Variants in RELN observed in about 807,000 individuals in gnomAD.
RELN encodes reelin.
In RELN, 108 loss-of-function variants were observed where a neutral mutation model predicts 427.6. The ratio of observed to expected loss-of-function variants is 0.25; its 90% CI spans 0.22 to 0.30. The LOEUF (loss-of-function observed/expected upper bound fraction) is 0.30. Among genes scored for constraint, RELN ranks in the 10% least tolerant of loss-of-function variants. RELN has a pLI of 1.00. For missense variants in RELN, 3,715 were observed against 4,302.8 expected, an observed-to-expected ratio of 0.86 and a Z score of 3.82; for synonymous variants, 1,524 against 1,513.4, an observed-to-expected ratio of 1.01 and a Z score of -0.16.
intron 29 of RELN, 144 bp downstream of exon 29, chr7:103,575,404 T>C (rs1830975581): frequency 2.2e-6 from 2 of 892,610 alleles, no homozygotes; most frequent in East Asian, 2.5e-5. Flanking sequence ...GCACCTCATG[T>C]GCCTGGGTTG....
At position 103,519,324 on chromosome 7, in the gene RELN, C is replaced by G; in HGVS notation, c.7861G>C (p.Gly2621Arg). 3 of 1,611,584 alleles carry G rather than the reference C, an allele frequency of 1.9e-6. No individual in the cohort carries two copies. The highest frequency in any genetic ancestry group is 1.7e-4 in the Middle Eastern group (1 of 6,052). ...TTAGATATCAAATCGAATACAAACC[C>G]GGGCTTACTGTACTGGTCATAGAAA... ...EIFYDQYSKP[G>R]FVNILLPPDA... The change falls in exon 49 of 65, where the codon GGA becomes CGA. Residue 2621 changes from glycine (G) to arginine (R), a missense_variant and splice_region_variant. This residue lies in a region of RELN where 1,310 missense variants were observed against 1,643.0 expected (regional missense o/e 0.80). Coordinates refer to ENST00000428762, the MANE Select transcript of RELN (RefSeq NM_005045.4).
chr7:103,638,961 A>AT (rs897263752), intron 17 of RELN, among the ~76,000 whole-genome samples: 3 of 152,222 alleles, frequency 2.0e-5, no homozygotes, highest in African/African-American at 7.2e-5. Context: ...GCCACTTTCT[A>AT]TTTTTTGAAA....
chr7:103,989,054 A>G lies in RELN; in HGVS notation c.226+77T>C, dbSNP rs921958370. On this transcript the variant is annotated intron_variant, in intron 1 of 64. Transcript: ENST00000428762. The surrounding 1 kb of genome is among the most constrained non-coding windows in gnomAD (Gnocchi z 4.9). ...GGTTCTTGTTTCCAAGGCCCCTTGG[A>G]AGAAGGAAAGGGATGAGAAAGGTGC... 3.8e-6 allele frequency: 5 copies of G among 1,325,044 alleles called. No individual in the cohort carries two copies. In the South Asian group the frequency reaches 5.9e-5, roughly 16 times the overall value. 82.1% of individuals were successfully genotyped at this position (1,325,044 alleles called of 1,614,324 possible). A position where few individuals can be genotyped will look rare whatever the true frequency, so the allele number is the denominator to read the frequency against.
chr7:103,841,501 T>G (rs1563044835), intron 2 of RELN, among the ~76,000 whole-genome samples: 1 of 152,176 alleles, frequency 6.6e-6, no homozygotes, highest in Non-Finnish European at 1.5e-5. Context: ...AGTTTAAAGT[T>G]GCCCCCACAC....
At position 103,620,222 on chromosome 7, in the gene RELN, G is replaced by A. The variant is rs1360805931; in HGVS notation, c.2703-8419C>T. Among the ~76,000 whole-genome samples the A allele has an allele frequency of 5.9e-5, 9 of 152,072 alleles. No homozygotes were observed. Among genetic ancestry groups the A allele is most frequent in the South Asian group, 4.1e-4 (2 of 4,826 alleles). ...TGTCTCATCTGCTGCCATGTAAGAC[G>A]TGCCTTTTGCCTTCTGCCATGATTG... On this transcript the variant is annotated intron_variant, in intron 20 of 64. Coordinates refer to ENST00000428762, the MANE Select transcript of RELN (RefSeq NM_005045.4). This position sits in a 1 kb window ranked among gnomAD's most constrained non-coding sequence, Gnocchi z 4.1.
Position 103,563,292 on chromosome 7 carries a change from C to A in RELN, c.5211-1339G>T, listed in dbSNP as rs545732276. Among the ~76,000 whole-genome samples the A allele has an allele frequency of 6.6e-6, 1 of 152,062 alleles. No individual in the cohort carries two copies. The highest frequency in any genetic ancestry group is 2.4e-5 in the African/African-American group (1 of 41,394). ...ATGGTCTCATAAGATTATAATGGAT[C>A]TGAAAAAAAATTCCTATTGCTAATT... On this transcript the variant is annotated intron_variant, in intron 34 of 64. Coordinates refer to ENST00000428762, the MANE Select transcript of RELN (RefSeq NM_005045.4). This position sits in a 1 kb window ranked among gnomAD's most constrained non-coding sequence, Gnocchi z 4.1.
intron 3 of RELN, among the ~76,000 whole-genome samples, chr7:103,789,378 G>A (rs542537273): frequency 6.6e-6 from 1 of 152,124 alleles, no homozygotes; most frequent in Non-Finnish European, 1.5e-5. Flanking sequence ...TAGAGCAAAA[G>A]AAACTATCAT....
In RELN at chr7:103,929,057, G is replaced by C. The variant is rs1795805066; in HGVS notation, c.227-11872C>G. Among the ~76,000 whole-genome samples, 6 of 152,300 alleles carry C rather than the reference G, an allele frequency of 3.9e-5. No individual in the cohort carries two copies. The South Asian group carries it at 1.2e-3, about 32-fold the overall frequency. ...GCATATCTTGTTGTGGGAAATCCTT[G>C]CTGGATGCCAGGGTGCAACCTGCTC... On this transcript the variant is annotated intron_variant, in intron 1 of 64. Coordinates refer to ENST00000428762, the MANE Select transcript of RELN (RefSeq NM_005045.4).
At chr7:103,639,930 T>A (rs544043938) in intron 17 of RELN, among the ~76,000 whole-genome samples, 1 of 152,188 alleles carries the variant, frequency 6.6e-6, no homozygotes, top group Admixed American at 6.5e-5. Context: ...TGAATATCCA[T>A]TTTTTGGTAT....
chr7:103,572,874 T>G (rs146739575), intron 30 of RELN, among the ~76,000 whole-genome samples: 2 of 152,296 alleles, frequency 1.3e-5, no homozygotes, highest in East Asian at 3.9e-4. Context: ...ATACTTTAGT[T>G]TCTGGGATAC....
chr7:103,648,181 C>T (rs984709530), intron 16 of RELN, among the ~76,000 whole-genome samples: 1 of 151,984 alleles, frequency 6.6e-6, no homozygotes, highest in Non-Finnish European at 1.5e-5. Flanking sequence ...GGAGGAGGGG[C>T]CTGGTGGGAG....
chr7:103,964,684 T>C (rs544860121), intron 1 of RELN, among the ~76,000 whole-genome samples: 1 of 152,376 alleles, frequency 6.6e-6, no homozygotes, highest in East Asian at 1.9e-4. Context: ...GTTACTGACA[T>C]GAAGCACTTA....
chr7:103,790,678 A>C (rs1051595552), intron 3 of RELN, among the ~76,000 whole-genome samples: 3 of 152,000 alleles, frequency 2.0e-5, no homozygotes, highest in Non-Finnish European at 4.4e-5. Flanking sequence ...TTAAAGAAGA[A>C]AATAGGCAGG....
At chr7:103,638,607 G>T (rs1055131145) in intron 17 of RELN, among the ~76,000 whole-genome samples, 2 of 152,182 alleles carry the variant, frequency 1.3e-5, no homozygotes, top group Non-Finnish European at 2.9e-5. Context: ...GCTGGAAAAG[G>T]AGGTAGTAGT....
chr7:103,494,541 ATTTTTTT>A (rs35989965), intron 57 of RELN, among the ~76,000 whole-genome samples: 4 of 126,170 alleles, frequency 3.2e-5, no homozygotes, highest in East Asian at 2.2e-4. Flanking sequence ...CGCCCAGCTA[ATTTTTTT>A]TTTTTTTTTT....
intron 6 of RELN, among the ~76,000 whole-genome samples, chr7:103,746,732 T>G (rs1301380589): frequency 6.6e-6 from 1 of 151,312 alleles, no homozygotes; most frequent in African/African-American, 2.5e-5. Flanking sequence ...TCACACCAGT[T>G]AGAATGGCGA....
chr7:103,629,877 A>G, intron 20 of RELN, 63 bp downstream of exon 20: 1 of 1,023,046 alleles, frequency 9.8e-7, no homozygotes, highest in South Asian at 1.3e-5. Flanking sequence ...ATAGACTGGA[A>G]GATCATCCTC....
At chr7:103,778,636 G>A (rs796562283) in intron 3 of RELN, among the ~76,000 whole-genome samples, 2 of 152,212 alleles carry the variant, frequency 1.3e-5, no homozygotes, top group African/African-American at 4.8e-5. Context: ...CATCTTGTGA[G>A]GAGTCCACAC....
intron 53 of RELN, among the ~76,000 whole-genome samples, chr7:103,500,453 T>C (rs1192257811): frequency 6.6e-6 from 1 of 152,082 alleles, no homozygotes; most frequent in African/African-American, 2.4e-5. Context: ...AAAGGCTTAA[T>C]ATTGACTTTA....
Sources: gnomAD v4.1 joint callset for allele counts (sites outside exome capture counted in the v4.1 genomes callset) on GRCh38, gnomAD v4.1.1 for gene constraint, gnomAD v4.1.1 regional missense constraint, Gnocchi (gnomAD v3.1) non-coding constraint, MANE v1.5 for transcripts, NCBI Gene and HGNC (gene_info 2026-07-23, HGNC 2026-07-21) for gene names.